The following RHBDL3 variants were observed in gnomAD, a reference collection of about 807,000 sequenced individuals.
The protein encoded by RHBDL3 is rhomboid-related protein 3.
In RHBDL3, 28 loss-of-function variants were observed where a neutral mutation model predicts 48.2. The ratio of observed to expected loss-of-function variants is 0.58; its 90% confidence interval spans 0.43 to 0.80. The LOEUF is 0.80. Among genes scored for constraint, RHBDL3 ranks in the 30% least tolerant of loss-of-function variants. RHBDL3 has a pLI of 0.00. For missense variants in RHBDL3, 464 were observed against 542.7 expected (o/e 0.85, Z 1.44); for synonymous variants, 208 against 232.3 (o/e 0.90, Z 0.95).
chr17:32,295,461 G>C (rs1266643854), intron 5 of RHBDL3, among the ~76,000 whole-genome samples: 2 of 152,214 alleles, frequency 1.3e-5, no homozygotes, highest in East Asian at 3.8e-4. Flanking sequence ...CGATCTTACA[G>C]GGCTAAGGAG....
At chr17:32,279,975 G>C (rs1597622973) in intron 2 of RHBDL3, among the ~76,000 whole-genome samples, 1 of 152,216 alleles carries the variant, frequency 6.6e-6, no homozygotes, top group Non-Finnish European at 1.5e-5. Flanking sequence ...GAGGATAGGA[G>C]AAGGCAGACC....
intron 3 of RHBDL3, 67 bp from the exon 4 acceptor site, chr17:32,288,725 G>A (rs537250430): frequency 4.5e-5 from 53 of 1,185,978 alleles, no homozygotes; most frequent in African/African-American, 4.4e-4. Flanking sequence ...CATGCTGGCT[G>A]GGAAGTGGGT....
At chr17:32,276,903 C>CTA (rs2039926151) in intron 2 of RHBDL3, among the ~76,000 whole-genome samples, 2 of 116,704 alleles carry the variant, frequency 1.7e-5, no homozygotes, top group Admixed American at 1.5e-4. Flanking sequence ...TACTCCGGCC[C>CTA]TAGCACCTTA....
intron 4 of RHBDL3, 67 bp from the exon 5 acceptor site, chr17:32,294,227 A>G: frequency 1.0e-5 from 14 of 1,360,244 alleles, no homozygotes; most frequent in East Asian, 2.4e-5. Flanking sequence ...TCCCAGTGCT[A>G]GTCAGCACAA....
intron 2 of RHBDL3, among the ~76,000 whole-genome samples, chr17:32,274,898 A>ATG (rs1057203717): frequency 4.6e-5 from 7 of 152,150 alleles, no homozygotes; most frequent in East Asian, 1.9e-4. Flanking sequence ...GCACGCATGC[A>ATG]TGTGTGTGTG....
At chr17:32,275,343 C>T (rs552211671) in intron 2 of RHBDL3, among the ~76,000 whole-genome samples, 1 of 152,192 alleles carries the variant, frequency 6.6e-6, no homozygotes, top group African/African-American at 2.4e-5. Context: ...CCTGGCAGCC[C>T]CCTCAGTGGC....
chr17:32,276,622 C>T (rs1461534160), intron 2 of RHBDL3, among the ~76,000 whole-genome samples: 1 of 152,098 alleles, frequency 6.6e-6, no homozygotes, highest in Non-Finnish European at 1.5e-5. Flanking sequence ...CAGCTGCCTG[C>T]ACCATACTTC....
At chr17:32,273,850 T>C (rs2039832549) in intron 2 of RHBDL3, among the ~76,000 whole-genome samples, 1 of 152,170 alleles carries the variant, frequency 6.6e-6, no homozygotes, top group South Asian at 2.1e-4. Context: ...ATTCTCCTGC[T>C]TCAGGCTCCG....
intron 1 of RHBDL3, among the ~76,000 whole-genome samples, chr17:32,266,822 G>A (rs1013366923): frequency 3.3e-5 from 5 of 152,198 alleles, no homozygotes; most frequent in Admixed American, 6.5e-5. Context: ...CCCCGCCTCT[G>A]ACCCCGGCCG....
intron 6 of RHBDL3, among the ~76,000 whole-genome samples, chr17:32,300,122 C>A (rs1275853451): frequency 6.6e-6 from 1 of 152,110 alleles, no homozygotes; most frequent in Non-Finnish European, 1.5e-5. Flanking sequence ...AGTGGCTCGC[C>A]CAAGAAGACA....
At chr17:32,269,410 T>C (rs1243784308) in intron 2 of RHBDL3, among the ~76,000 whole-genome samples, 3 of 152,298 alleles carry the variant, frequency 2.0e-5, no homozygotes, top group South Asian at 2.1e-4. Context: ...ACAACTTTGG[T>C]TTGAGACAAG....
Position 32,291,008 on chromosome 17 carries a change from A to C in RHBDL3, c.519+1992A>C, listed in dbSNP as rs537717985. Among the ~76,000 whole-genome samples the C allele has an allele frequency of 1.1e-3, 170 of 151,014 alleles. 1 individual carries two copies. Among genetic ancestry groups the C allele is most frequent in the African/African-American group, 4.1e-3 (167 of 41,094 alleles). On this transcript the variant is annotated intron_variant, in intron 4 of 8. Coordinates refer to ENST00000269051, the MANE Select transcript of RHBDL3 (RefSeq NM_138328.3). ...AGAGCGAGACCCTGTCTCAAGAAAA[A>C]AAAAAAAAAAAAAGGAAAAGAAATA...
At chr17:32,276,554 C>G (rs2039903108) in intron 2 of RHBDL3, among the ~76,000 whole-genome samples, 1 of 152,096 alleles carries the variant, frequency 6.6e-6, no homozygotes, top group Non-Finnish European at 1.5e-5. Flanking sequence ...CTGCTCTGCT[C>G]AGAAGACGAG....
intron 7 of RHBDL3, among the ~76,000 whole-genome samples, chr17:32,309,770 CTTT>C (rs11346917): frequency 7.2e-5 from 9 of 124,834 alleles, no homozygotes; most frequent in African/African-American, 2.5e-4. Flanking sequence ...ATCAAGACTT[CTTT>C]TTTTTTTTTT....
chr17:32,283,623 C>G (rs897222992), intron 2 of RHBDL3, among the ~76,000 whole-genome samples: 1 of 151,792 alleles, frequency 6.6e-6, no homozygotes, highest in African/African-American at 2.4e-5. Flanking sequence ...GCGCCTGGCC[C>G]GATCCTGCCT....
chr17:32,284,507 C>CA, intron 2 of RHBDL3, 152 bp from the exon 3 acceptor site: 1 of 660,420 alleles, frequency 1.5e-6, no homozygotes. Context: ...AGATGTTTCC[C>CA]AGGGGGGTCC....
At chr17:32,296,775 T>TTTTTATTTTATTTTA (rs140902896) in intron 5 of RHBDL3, among the ~76,000 whole-genome samples, 167 of 141,178 alleles carry the variant, frequency 1.2e-3, no homozygotes, top group African/African-American at 3.6e-3. Flanking sequence ...CCGTAGCTCT[T>TTTTTATTTTATTTTA]TTTTATTTTA....
chr17:32,297,053 G>A (rs1016288089), intron 5 of RHBDL3, among the ~76,000 whole-genome samples: 3 of 151,482 alleles, frequency 2.0e-5, no homozygotes, highest in Non-Finnish European at 1.5e-5. Context: ...GTTTCACCAC[G>A]CTGGCCAGGC....
intron 2 of RHBDL3, among the ~76,000 whole-genome samples, chr17:32,270,431 G>T (rs1031199043): frequency 5.3e-5 from 8 of 151,876 alleles, no homozygotes; most frequent in African/African-American, 1.9e-4. Flanking sequence ...TCAGCATGTG[G>T]AGTAGCCTTG....
Sources: gnomAD v4.1 joint callset for allele counts (sites outside exome capture counted in the v4.1 genomes callset) on GRCh38, gnomAD v4.1.1 for gene constraint, MANE v1.5 for transcripts, NCBI Gene and HGNC (gene_info 2026-07-23, HGNC 2026-07-21) for gene names.